Variants in NTM observed in about 807,000 individuals in gnomAD.
The protein encoded by NTM is neurotrimin.
A neutral mutation model predicts 42.1 loss-of-function variants in NTM; 13 were observed. The observed-to-expected ratio is 0.31, with a 90% CI of 0.20 to 0.49. NTM has a LOEUF of 0.49. NTM is among the 20% of genes least tolerant of loss of function. NTM has a pLI of 0.99. For synonymous variants in NTM, 187 were observed against 179.2 expected (o/e 1.04, Z -0.35); for missense variants, 373 against 452.8 (o/e 0.82, Z 1.60).
chr11:131,757,279 A>G (rs890101939), intron 1 of NTM, among the ~76,000 whole-genome samples: 5 of 152,154 alleles, frequency 3.3e-5, no homozygotes, highest in African/African-American at 9.7e-5. Context: ...ATGTCCTGTC[A>G]TTGCTAATCT....
chr11:131,880,078 C>T (rs553126696), intron 1 of NTM, among the ~76,000 whole-genome samples: 2 of 152,296 alleles, frequency 1.3e-5, no homozygotes, highest in Admixed American at 1.3e-4. Context: ...TATTCCGCCT[C>T]CCTACCCTCT....
intron 1 of NTM, among the ~76,000 whole-genome samples, chr11:131,481,945 C>G (rs570912687): frequency 6.6e-6 from 1 of 152,138 alleles, no homozygotes; most frequent in South Asian, 2.1e-4. Flanking sequence ...ATATGGGAAC[C>G]AATGATGAGG....
chr11:131,566,321 T>G (rs2056877476), intron 1 of NTM, among the ~76,000 whole-genome samples: 1 of 152,164 alleles, frequency 6.6e-6, no homozygotes, highest in Non-Finnish European at 1.5e-5. Context: ...ATGTACAAAT[T>G]CCTTTACAAG....
At chr11:132,071,681 T>G (rs1415697267) in intron 2 of NTM, among the ~76,000 whole-genome samples, 1 of 152,176 alleles carries the variant, frequency 6.6e-6, no homozygotes, top group Non-Finnish European at 1.5e-5. Flanking sequence ...CCAGATGAGC[T>G]TCAGTGGGTC....
chr11:131,548,347 A>T (rs1196086964), intron 1 of NTM, among the ~76,000 whole-genome samples: 2 of 152,152 alleles, frequency 1.3e-5, no homozygotes, highest in Middle Eastern at 3.2e-3. Flanking sequence ...CATCCAGGTG[A>T]TGCCTCAAGG....
At chr11:131,987,996 A>G (rs2066364296) in intron 2 of NTM, among the ~76,000 whole-genome samples, 1 of 152,240 alleles carries the variant, frequency 6.6e-6, no homozygotes, top group Non-Finnish European at 1.5e-5. Context: ...TGGGTGGCTG[A>G]TAAACAACAA....
intron 1 of NTM, among the ~76,000 whole-genome samples, chr11:131,861,401 C>T (rs1210504747): frequency 1.3e-5 from 2 of 152,152 alleles, no homozygotes; most frequent in Non-Finnish European, 2.9e-5. Context: ...TCATTTCTCT[C>T]TTCCAGGCCC....
At chr11:132,044,116 ATG>A (rs66662018) in intron 2 of NTM, among the ~76,000 whole-genome samples, 1 of 74,194 alleles carries the variant, frequency 1.3e-5, no homozygotes, top group South Asian at 4.5e-4. Flanking sequence ...GTGTATGTGT[ATG>A]TGTGTGTATA....
At chr11:132,261,881 C>T (rs1383527282) in intron 4 of NTM, among the ~76,000 whole-genome samples, 1 of 152,148 alleles carries the variant, frequency 6.6e-6, no homozygotes, top group African/African-American at 2.4e-5. Context: ...AACTGAAAAC[C>T]CATAAAGCCA....
chr11:131,767,458 T>C lies in NTM; in HGVS notation c.83-144106T>C, dbSNP rs147103036. 5.2e-3 allele frequency among the ~76,000 whole-genome samples: 791 copies of C among 152,296 alleles called. 5 individuals carry two copies. Among genetic ancestry groups the C allele is most frequent in the Non-Finnish European group, 7.1e-3 (484 of 68,024 alleles). On this transcript the variant is annotated intron_variant, in intron 1 of 8. Transcript: ENST00000683400. ...TATTTGTGTCTCCCCCAAATTTATA[T>C]TGAAACCCTAACCCAACCCCCAGTG...
chr11:131,928,387 T>C (rs370927512), intron 2 of NTM, among the ~76,000 whole-genome samples: 9 of 152,366 alleles, frequency 5.9e-5, no homozygotes, highest in African/African-American at 1.9e-4. Context: ...CAAAAACAAG[T>C]TAAAATGCTT....
At position 131,393,991 on chromosome 11, in the gene NTM, C is replaced by T. The variant is rs58493055; in HGVS notation, c.82+23103C>T. ...ATTAATAAGGCCGCTTTTTAATAGG[C>T]GGCTCTGGCAGCAACAGCAGGCAGG... On this transcript the variant is annotated intron_variant, in intron 1 of 8. Transcript: ENST00000683400. Among the ~76,000 whole-genome samples the T allele has an allele frequency of 9.4e-3, 1,433 of 152,312 alleles. 18 individuals carry two copies. Among genetic ancestry groups the T allele is most frequent in the African/African-American group, 0.032 (1,340 of 41,558 alleles).
chr11:131,791,455 A>C (rs79435334), intron 1 of NTM, among the ~76,000 whole-genome samples: 9,503 of 152,268 alleles, frequency 0.062, 979 homozygotes, highest in African/African-American at 0.22. Flanking sequence ...AGAGAAATCC[A>C]CATATCACGG....
intron 2 of NTM, among the ~76,000 whole-genome samples, chr11:132,125,592 G>T (rs532525249): frequency 1.6e-4 from 20 of 128,778 alleles, no homozygotes; most frequent in Admixed American, 4.8e-4. Context: ...GTGGTGTGTA[G>T]TGTGTGGTGT....
chr11:131,732,818 C>A (rs558155651), intron 1 of NTM, among the ~76,000 whole-genome samples: 41 of 152,268 alleles, frequency 2.7e-4, no homozygotes, highest in African/African-American at 9.9e-4. Context: ...CATACATTTT[C>A]TGGAGTCATA....
At chr11:131,785,608 C>A (rs1012329154) in intron 1 of NTM, among the ~76,000 whole-genome samples, 2 of 152,124 alleles carry the variant, frequency 1.3e-5, no homozygotes, top group Admixed American at 1.3e-4. Context: ...TCTTTGGTAA[C>A]GAGGTAAATG....
At chr11:132,292,946 A>AAACT (rs2094499018) in intron 4 of NTM, among the ~76,000 whole-genome samples, 1 of 152,104 alleles carries the variant, frequency 6.6e-6, no homozygotes, top group Non-Finnish European at 1.5e-5. Flanking sequence ...ATGCCTTCAG[A>AAACT]GGTGGTTCAG....
intron 2 of NTM, among the ~76,000 whole-genome samples, chr11:132,118,861 C>T (rs774527718): frequency 2.0e-5 from 3 of 151,728 alleles, no homozygotes; most frequent in Non-Finnish European, 2.9e-5. Context: ...ATTGGATTCC[C>T]GGGATTTTGT....
At chr11:132,076,543 C>A (rs1030508382) in intron 2 of NTM, among the ~76,000 whole-genome samples, 1 of 152,150 alleles carries the variant, frequency 6.6e-6, no homozygotes, top group East Asian at 1.9e-4. Flanking sequence ...ATTTGAAAAT[C>A]AAATCTAATA....
Sources: gnomAD v4.1 joint callset for allele counts (sites outside exome capture counted in the v4.1 genomes callset) on GRCh38, gnomAD v4.1.1 for gene constraint, MANE v1.5 for transcripts, NCBI Gene and HGNC (gene_info 2026-07-23, HGNC 2026-07-21) for gene names.